The following NRXN3 variants were observed in gnomAD, a reference collection of about 807,000 sequenced individuals.
NRXN3 encodes neurexin 3.
Under a neutral mutation model 137.6 loss-of-function variants are expected in NRXN3, and 32 were observed. That is an observed-to-expected ratio of 0.23 (90% CI 0.18 to 0.31). The LOEUF (loss-of-function observed/expected upper bound fraction) is 0.31. Among genes scored for constraint, NRXN3 ranks in the 10% least tolerant of loss-of-function variants. The pLI is 1.00. For missense variants in NRXN3, 1,574 were observed against 2,062.5 expected (o/e 0.76, Z 4.59); for synonymous variants, 798 against 784.5 (o/e 1.02, Z -0.29).
rs1012756395 is a variant in NRXN3 at position 79,103,187 on chromosome 14, C to T, written c.3262+115046C>T. 1.4e-4 allele frequency among the ~76,000 whole-genome samples: 22 copies of T among 152,038 alleles called. 1 individual carries two copies. The highest frequency in any genetic ancestry group is 1.2e-3 in the Admixed American group (19 of 15,244). ...GAAAGGTAGTGGCAATGGGTTGGCC[C>T]AGGTGGAGGATTCACTGGACTTTAG... On this transcript the variant is annotated intron_variant, in intron 15 of 20. Transcript: ENST00000335750.
intron 20 of NRXN3, among the ~76,000 whole-genome samples, chr14:79,814,384 A>G (rs1011884896): frequency 4.6e-5 from 7 of 152,260 alleles, no homozygotes; most frequent in Non-Finnish European, 8.8e-5. Context: ...TCACTCTCCT[A>G]TTGTCTCTAC....
chr14:79,347,044 G>A (rs894467102), intron 15 of NRXN3, among the ~76,000 whole-genome samples: 5 of 152,174 alleles, frequency 3.3e-5, no homozygotes, highest in Non-Finnish European at 5.9e-5. Context: ...CATTACGTGA[G>A]TTGGAGCAAA....
chr14:79,825,661 C>T (rs1218574082), intron 20 of NRXN3, among the ~76,000 whole-genome samples: 3 of 152,136 alleles, frequency 2.0e-5, no homozygotes, highest in Admixed American at 1.3e-4. Context: ...TGTGACTTTG[C>T]TATTTTACCT....
At chr14:79,826,909 A>G (rs1378849255) in intron 20 of NRXN3, among the ~76,000 whole-genome samples, 1 of 152,200 alleles carries the variant, frequency 6.6e-6, no homozygotes, top group East Asian at 1.9e-4. Flanking sequence ...GTGCTTCAGC[A>G]CAGGAGGAAG....
chr14:79,694,774 G>A (rs564682515), intron 18 of NRXN3, among the ~76,000 whole-genome samples: 8 of 152,004 alleles, frequency 5.3e-5, no homozygotes, highest in East Asian at 3.9e-4. Context: ...GGCAGGACAC[G>A]AAGAGTGCTC....
chr14:78,823,659 G>A (rs965978829), intron 10 of NRXN3, among the ~76,000 whole-genome samples: 6 of 152,228 alleles, frequency 3.9e-5, no homozygotes, highest in Admixed American at 2.6e-4. Flanking sequence ...ATAGCCTCTG[G>A]CAAAAGCTGA....
chr14:79,682,315 A>G (rs1309110075), intron 17 of NRXN3, among the ~76,000 whole-genome samples: 2 of 152,186 alleles, frequency 1.3e-5, no homozygotes, highest in Non-Finnish European at 2.9e-5. Context: ...ATTTGAGGCC[A>G]TGTTGCAGTT....
chr14:78,630,857 G>A (rs1262785422), intron 4 of NRXN3, among the ~76,000 whole-genome samples: 2 of 151,958 alleles, frequency 1.3e-5, no homozygotes, highest in East Asian at 1.9e-4. Context: ...CGCCCACCTC[G>A]GCCTCCCAAA....
rs577800933 is a variant in NRXN3 at position 79,864,716 on chromosome 14, T to TTTTG, written c.*2764_*2767dup. 1.2e-4 allele frequency: 18 copies of TTTTG among 152,074 alleles called. No individual in the cohort carries two copies. Among genetic ancestry groups the TTTTG allele is most frequent in the Admixed American group, 3.3e-4 (5 of 15,254 alleles). 9.4% of individuals were successfully genotyped at this position (152,074 alleles called of 1,614,324 possible). A position where few individuals can be genotyped will look rare whatever the true frequency, so the allele number is the denominator to read the frequency against. The stretch of plus-strand genomic sequence containing the variant: ...TAGAAAAGATTATTGGATACTATGG[T>TTTTG]TTTGTTTGTTTGTTTTTGTTTTTTG... On this transcript the variant is annotated 3_prime_UTR_variant, in exon 21 of 21. Transcript: ENST00000335750.
chr14:79,661,925 C>G (rs2098536324), intron 16 of NRXN3: 1 of 152,006 alleles, frequency 6.6e-6, no homozygotes, highest in Non-Finnish European at 1.5e-5. Flanking sequence ...TCCCATAATC[C>G]CAACGTGTTG....
intron 19 of NRXN3, among the ~76,000 whole-genome samples, chr14:79,752,527 G>C (rs1203337409): frequency 4.6e-5 from 7 of 152,184 alleles, no homozygotes; most frequent in Non-Finnish European, 5.9e-5. Flanking sequence ...GCAGAAAGCA[G>C]AAACTGGATC....
chr14:79,446,833 A>T (rs1329309595), intron 15 of NRXN3, among the ~76,000 whole-genome samples: 1 of 152,240 alleles, frequency 6.6e-6, no homozygotes, highest in South Asian at 2.1e-4. Context: ...TTAAAAAATT[A>T]TTGTGGTAAG....
chr14:79,387,106 T>A (rs2094650926), intron 15 of NRXN3, among the ~76,000 whole-genome samples: 1 of 151,868 alleles, frequency 6.6e-6, no homozygotes, highest in African/African-American at 2.4e-5. Context: ...ACAAATGGGA[T>A]CTAATTAAAC....
chr14:78,907,848 C>T (rs1012072944), intron 10 of NRXN3, among the ~76,000 whole-genome samples: 8 of 152,006 alleles, frequency 5.3e-5, no homozygotes, highest in Non-Finnish European at 8.8e-5. Flanking sequence ...TGTGTCCATG[C>T]GTTCTCATCA....
intron 16 of NRXN3, among the ~76,000 whole-genome samples, chr14:79,652,905 G>A (rs1282558067): frequency 1.3e-5 from 2 of 151,838 alleles, no homozygotes; most frequent in African/African-American, 4.8e-5. Context: ...GGTGGTTGGG[G>A]GTAAGTAAGG....
chr14:78,467,049 G>C (rs543757076), intron 4 of NRXN3, among the ~76,000 whole-genome samples: 13 of 152,134 alleles, frequency 8.5e-5, no homozygotes, highest in Non-Finnish European at 1.8e-4. Context: ...TCTTTGAGTT[G>C]TTCTGCCTTT....
chr14:79,244,381 TA>T lies in NRXN3; in HGVS notation c.3263-222833del, dbSNP rs374011367. Among the ~76,000 whole-genome samples the T allele has an allele frequency of 6.9e-3, 1,058 of 152,250 alleles. 13 individuals carry two copies. Among genetic ancestry groups the T allele is most frequent in the Middle Eastern group, 0.051 (15 of 294 alleles). On this transcript the variant is annotated intron_variant, in intron 15 of 20. Transcript: ENST00000335750. The stretch of plus-strand genomic sequence containing the variant: ...TTCTTTTACATTCTGGACACACACA[TA>T]AAAAAACTTTTCTATCATTAACCTG...
chr14:79,444,947 A>C (rs765064769), intron 15 of NRXN3, among the ~76,000 whole-genome samples: 6 of 152,240 alleles, frequency 3.9e-5, no homozygotes, highest in Non-Finnish European at 8.8e-5. Flanking sequence ...CTGAACTCCA[A>C]GTAGCCCTGA....
rs116280166 is a variant in NRXN3 at position 79,445,566 on chromosome 14, G to A, written c.3263-21655G>A. On this transcript the variant is annotated intron_variant, in intron 15 of 20. Transcript: ENST00000335750. ...TGGGATAGAAAATTACCACTGGGAT[G>A]AGGGAAAGTTGCTACTTTTGATTGT... 2.7e-3 allele frequency among the ~76,000 whole-genome samples: 404 copies of A among 152,244 alleles called. 3 individuals carry two copies. The highest frequency in any genetic ancestry group is 9.4e-3 in the African/African-American group (389 of 41,552).
Sources: allele counts gnomAD v4.1 joint callset (sites outside exome capture counted in the v4.1 genomes callset), GRCh38; gene constraint gnomAD v4.1.1; transcripts MANE v1.5; gene names NCBI Gene and HGNC (gene_info 2026-07-23, HGNC 2026-07-21).